RASGRP3: variants seen among roughly 807,000 people sequenced by gnomAD.
The protein encoded by RASGRP3 is ras guanyl-releasing protein 3.
Under a neutral mutation model 82.7 loss-of-function variants are expected in RASGRP3, and 54 were observed. That is an observed-to-expected ratio of 0.65 (90% confidence interval 0.52 to 0.82). The LOEUF (loss-of-function observed/expected upper bound fraction) is 0.82, where lower values mean the gene tolerates loss of function less well. Ranked by LOEUF, RASGRP3 falls within the 40% of genes least tolerant of loss-of-function variation. The pLI is 0.00. For missense variants in RASGRP3, 861 were observed against 828.9 expected (o/e 1.04, Z -0.48); for synonymous variants, 309 against 300.5 (o/e 1.03, Z -0.29).
intron 11 of RASGRP3, among the ~76,000 whole-genome samples, chr2:33,535,190 T>G (rs531121704): frequency 6.6e-6 from 1 of 152,228 alleles, no homozygotes; most frequent in South Asian, 2.1e-4. Flanking sequence ...TTGGATGGTG[T>G]CTCACTTAAT....
In RASGRP3 at chr2:33,533,333, G is replaced by A. The variant is rs574484998; in HGVS notation, c.1084-990G>A. Reference sequence around the variant, plus strand: ...TCCAAATTAAGTCCCAATCCTCCTGGTTAAGTCCCAATTCACAAGGACCTC... The same window carrying A: ...TCCAAATTAAGTCCCAATCCTCCTGATTAAGTCCCAATTCACAAGGACCTC... On this transcript the variant is annotated intron_variant, in intron 10 of 17. Coordinates refer to ENST00000403687, the MANE Select transcript of RASGRP3 (RefSeq NM_001139488.2). 2.0e-5 allele frequency: 3 copies of A among 152,156 alleles called. No homozygotes were observed. In the East Asian group the frequency reaches 5.8e-4, roughly 29 times the overall value. The allele number at this position is 152,156 out of a possible 1,614,324, so 9.4% of individuals were successfully genotyped here.
At chr2:33,507,419 G>T (rs986996784) in intron 1 of RASGRP3, among the ~76,000 whole-genome samples, 13 of 152,182 alleles carry the variant, frequency 8.5e-5, no homozygotes, top group African/African-American at 2.7e-4. Context: ...AGTGTGAGTG[G>T]TGGGGCAGAG....
intron 4 of RASGRP3, among the ~76,000 whole-genome samples, chr2:33,519,303 AC>A (rs1415001526): frequency 6.6e-6 from 1 of 152,226 alleles, no homozygotes; most frequent in Non-Finnish European, 1.5e-5. Context: ...AATCCTAAAT[AC>A]AAAATCTTTT....
chr2:33,493,764 A>C (rs1574333276), intron 1 of RASGRP3, among the ~76,000 whole-genome samples: 3 of 152,198 alleles, frequency 2.0e-5, no homozygotes, highest in African/African-American at 7.2e-5. Context: ...AATAAAAAAA[A>C]AAATCTTTTG....
At chr2:33,485,477 G>A (rs1315839987) in intron 1 of RASGRP3, among the ~76,000 whole-genome samples, 2 of 152,222 alleles carry the variant, frequency 1.3e-5, no homozygotes, top group Non-Finnish European at 2.9e-5. Flanking sequence ...CTACTGCAGA[G>A]CTAAGCCTTT....
chr2:33,475,476 T>C (rs1298659023), upstream of RASGRP3, among the ~76,000 whole-genome samples: 1 of 152,196 alleles, frequency 6.6e-6, no homozygotes, highest in Non-Finnish European at 1.5e-5. Flanking sequence ...AAATCAGGGT[T>C]AATAGTTTAA....
chr2:33,462,537 C>T (rs1298170255), intron 2 of RASGRP3, among the ~76,000 whole-genome samples: 3 of 152,056 alleles, frequency 2.0e-5, no homozygotes, highest in Non-Finnish European at 4.4e-5. Context: ...GCCACCATAG[C>T]CCGGCTAGAT....
chr2:33,469,438 T>C (rs1050787343), intron 2 of RASGRP3, among the ~76,000 whole-genome samples: 3 of 151,970 alleles, frequency 2.0e-5, no homozygotes, highest in African/African-American at 7.3e-5. Context: ...ACCAATCATG[T>C]GATTCTCTTC....
rs2151133077 is a variant in RASGRP3 at position 33,563,767 on chromosome 2, CT to C, written c.*1031del. On this transcript the variant is annotated 3_prime_UTR_variant, in exon 18 of 18. Transcript: ENST00000403687. ...AACTGCCTTCCACAATTAAAGAATA[CT>C]CATAGAAAGAAAATAATCATAAATC... The C allele has an allele frequency of 6.6e-6, 1 of 152,010 alleles. No individual in the cohort carries two copies. The highest frequency in any genetic ancestry group is 2.4e-5 in the African/African-American group (1 of 41,472). The allele number at this position is 152,010 out of a possible 1,614,324, so 9.4% of individuals were successfully genotyped here.
chr2:33,468,425 G>A (rs1196268883), intron 2 of RASGRP3, among the ~76,000 whole-genome samples: 5 of 149,896 alleles, frequency 3.3e-5, no homozygotes, highest in Admixed American at 1.3e-4. Context: ...TTTTTGAGAC[G>A]GAGTCTCGCT....
chr2:33,521,116 G>T (rs142519425), intron 6 of RASGRP3, among the ~76,000 whole-genome samples: 114 of 152,250 alleles, frequency 7.5e-4, no homozygotes, highest in African/African-American at 2.6e-3. Context: ...ACCTGAATTG[G>T]AATCTGCACT....
At chr2:33,481,356 G>A (rs922216540) in intron 1 of RASGRP3, 1 of 152,080 alleles carries the variant, frequency 6.6e-6, no homozygotes, top group African/African-American at 2.4e-5. Flanking sequence ...TAGAGACGGG[G>A]TTTCATCATG....
At chr2:33,463,237 C>G (rs1343571006) in intron 2 of RASGRP3, among the ~76,000 whole-genome samples, 1 of 152,162 alleles carries the variant, frequency 6.6e-6, no homozygotes, top group Non-Finnish European at 1.5e-5. Flanking sequence ...CTGAATCCAG[C>G]TTCAGCTAGA....
chr2:33,563,013 C>A lies in RASGRP3; in HGVS notation c.*276C>A. 2.1e-6 allele frequency: 1 copy of A among 470,656 alleles called. No homozygotes were observed. 29.2% of individuals were successfully genotyped at this position (470,656 alleles called of 1,614,324 possible). ...CAGTACTTTTTTCTCATGTATCTTTCTCTAGACCATTTATATACGGGTGAA... is the reference window on the plus strand; with the variant it reads ...CAGTACTTTTTTCTCATGTATCTTTATCTAGACCATTTATATACGGGTGAA... On this transcript the variant is annotated 3_prime_UTR_variant, in exon 18 of 18. Transcript: ENST00000403687.
intron 10 of RASGRP3, among the ~76,000 whole-genome samples, chr2:33,530,043 G>C (rs1672960078): frequency 6.6e-6 from 1 of 152,158 alleles, no homozygotes. Context: ...CTCAACATGA[G>C]GACTGAGGAG....
At chr2:33,480,989 C>T (rs1203529072) in intron 1 of RASGRP3, among the ~76,000 whole-genome samples, 1 of 152,138 alleles carries the variant, frequency 6.6e-6, no homozygotes, top group Non-Finnish European at 1.5e-5. Flanking sequence ...GCCATAATCC[C>T]ATGAAAGAGG....
At chr2:33,545,936 C>G (rs1232406645) in intron 13 of RASGRP3, among the ~76,000 whole-genome samples, 1 of 151,974 alleles carries the variant, frequency 6.6e-6, no homozygotes, top group Non-Finnish European at 1.5e-5. Context: ...TCCTGAGTAG[C>G]TGGTTATAGG....
intron 2 of RASGRP3, among the ~76,000 whole-genome samples, chr2:33,513,615 T>C (rs1425857894): frequency 6.6e-6 from 1 of 152,206 alleles, no homozygotes; most frequent in Non-Finnish European, 1.5e-5. Flanking sequence ...AGTGGATAAA[T>C]GTCTTACAAC....
chr2:33,484,029 G>C (rs1668157490), intron 1 of RASGRP3, among the ~76,000 whole-genome samples: 1 of 152,082 alleles, frequency 6.6e-6, no homozygotes, highest in African/African-American at 2.4e-5. Context: ...AATTGGCTTA[G>C]TCACTTCTCT....
Sources: allele counts gnomAD v4.1 joint callset (sites outside exome capture counted in the v4.1 genomes callset), GRCh38; gene constraint gnomAD v4.1.1; transcripts MANE v1.5; gene names NCBI Gene and HGNC (gene_info 2026-07-23, HGNC 2026-07-21).